Variants in EXO1 observed in about 807,000 individuals in gnomAD.
EXO1 encodes exonuclease 1.
In EXO1, 69 loss-of-function variants were observed where a neutral mutation model predicts 84.5. The observed-to-expected ratio is 0.82, with a 90% CI of 0.67 to 1.00. The LOEUF (loss-of-function observed/expected upper bound fraction) is 1.00, where lower values mean the gene tolerates loss of function less well. Among genes scored for constraint, EXO1 ranks in the 50% least tolerant of loss-of-function variants. EXO1 has a pLI of 0.00. For synonymous variants in EXO1, 373 were observed against 366.1 expected (o/e 1.02, Z -0.21); for missense variants, 1,045 against 1,000.7 (o/e 1.04, Z -0.60).
chr1:241,870,319 C>A (rs1662017711), intron 11 of EXO1, among the ~76,000 whole-genome samples: 1 of 152,212 alleles, frequency 6.6e-6, no homozygotes, highest in South Asian at 2.1e-4. Context: ...ATTCCTATTT[C>A]ATGTACCAGC....
chr1:241,868,811 A>G (rs1285043143), intron 11 of EXO1, among the ~76,000 whole-genome samples: 1 of 152,218 alleles, frequency 6.6e-6, no homozygotes, highest in African/African-American at 2.4e-5. Context: ...AGATCTTAAC[A>G]TATCTGTTGT....
intron 15 of EXO1, among the ~76,000 whole-genome samples, chr1:241,888,443 C>G (rs565922940): frequency 1.3e-5 from 2 of 152,134 alleles, no homozygotes; most frequent in Admixed American, 6.6e-5. Context: ...TCAGCAGTTT[C>G]ACTCTGTTCT....
At chr1:241,860,436 G>A (rs1260870944) in intron 8 of EXO1, 81 bp from the exon 9 acceptor site, 1 of 1,112,602 alleles carries the variant, frequency 9.0e-7, no homozygotes, top group Non-Finnish European at 1.4e-6. Context: ...CCCTCTTTAT[G>A]AATGTAAATC....
intron 12 of EXO1, among the ~76,000 whole-genome samples, chr1:241,874,346 T>C (rs545086409): frequency 1.3e-5 from 2 of 152,196 alleles, no homozygotes; most frequent in African/African-American, 4.8e-5. Context: ...CAGTGAACCA[T>C]CATGCCACTG....
At position 241,879,136 on chromosome 1, in the gene EXO1, A is replaced by G; in HGVS notation, c.1902A>G (p.Arg634=). ...PSPSTALQQF[R]RKSDSPTSLP... The stretch of plus-strand genomic sequence containing the variant: ...CAAGCACAGCATTGCAGCAGTTCCG[A>G]AGAAAGAGCGATTCCCCCACCTCTT... The change falls in exon 13 of 16, where the codon CGA becomes CGG. Residue 634 remains arginine, a synonymous_variant. Transcript: ENST00000366548. 6.2e-7 allele frequency: 1 copy of G among 1,610,168 alleles called. No homozygotes were observed. Among genetic ancestry groups the G allele is most frequent in the Non-Finnish European group, 8.5e-7 (1 of 1,176,492 alleles).
chr1:241,885,792 C>T (rs1372481472), intron 15 of EXO1, among the ~76,000 whole-genome samples: 2 of 151,418 alleles, frequency 1.3e-5, no homozygotes, highest in Non-Finnish European at 2.9e-5. Context: ...TCCTGCCTTC[C>T]TTTTCTTATC....
At chr1:241,871,928 TTAAAGTCCTTA>T in intron 11 of EXO1, 93 bp from the exon 12 acceptor site, 2 of 781,142 alleles carry the variant, frequency 2.6e-6, no homozygotes, top group Non-Finnish European at 4.1e-6. Flanking sequence ...TTTTTTTTTT[TTAAAGTCCTTA>T]TTTTTAGGAC....
intron 15 of EXO1, among the ~76,000 whole-genome samples, chr1:241,888,892 T>C (rs111463313): frequency 5.8e-4 from 89 of 152,204 alleles, no homozygotes; most frequent in African/African-American, 2.1e-3. Flanking sequence ...CTGGCCAGCA[T>C]GGTGAAACCC....
Position 241,889,482 on chromosome 1 carries a change from C to T in EXO1, c.2423C>T (p.Pro808Leu), listed in dbSNP as rs368166916. Residue 808 changes from proline to leucine, a missense_variant, in exon 16 of 16, where the codon CCT (proline) becomes CTT (leucine). By Grantham distance (98) the Pro-to-Leu change is moderately conservative. Transcript: ENST00000366548. ...FGFKKDSEKL[P>L]PCKKPLSPVR... ...TTTTGCAGAGATTCTGAAAAGCTTC[C>T]TCCTTGTAAGAAACCCCTGTCCCCA... 9 of 1,613,380 alleles carry T rather than the reference C, an allele frequency of 5.6e-6. No individual in the cohort carries two copies. The highest frequency in any genetic ancestry group is 3.3e-4 in the Middle Eastern group (2 of 6,082).
In EXO1 at chr1:241,879,193, G is replaced by C; in HGVS notation, c.1959G>C (p.Gln653His). ...LPENNMSDVSQLKSEESSDDE... is the reference protein window; with the variant it reads ...LPENNMSDVSHLKSEESSDDE... Reference sequence around the variant, plus strand: ...AGAATAATATGTCTGATGTGTCGCAGTTAAAGAGCGAGGAGTCCAGTGACG... The same window carrying C: ...AGAATAATATGTCTGATGTGTCGCACTTAAAGAGCGAGGAGTCCAGTGACG... Residue 653 changes from glutamine (Q) to histidine (H), a missense_variant, in exon 13 of 16, where the codon CAG becomes CAC. Transcript: ENST00000366548. 1 of 1,603,836 alleles carries C rather than the reference G, an allele frequency of 6.2e-7. No individual in the cohort carries two copies. The highest frequency in any genetic ancestry group is 8.5e-7 in the Non-Finnish European group (1 of 1,172,094).
chr1:241,850,688 C>T (rs1438300063), intron 4 of EXO1, 102 bp downstream of exon 4: 3 of 935,010 alleles, frequency 3.2e-6, no homozygotes, highest in East Asian at 4.8e-5. Flanking sequence ...AATGCCAGAA[C>T]TTATCAGGAA....
chr1:241,867,594 C>T (rs187759529), intron 11 of EXO1, among the ~76,000 whole-genome samples: 22 of 151,802 alleles, frequency 1.4e-4, no homozygotes, highest in African/African-American at 4.1e-4. Flanking sequence ...TTTTTTAATA[C>T]GATGTGATGT....
At chr1:241,849,843 C>T (rs1660554532) in intron 3 of EXO1, among the ~76,000 whole-genome samples, 1 of 152,128 alleles carries the variant, frequency 6.6e-6, no homozygotes, top group South Asian at 2.1e-4. Flanking sequence ...TGCAAAAGCA[C>T]TTTGGAAAGA....
At chr1:241,889,235 C>T (rs1001284038) in intron 15 of EXO1, among the ~76,000 whole-genome samples, 2 of 152,064 alleles carry the variant, frequency 1.3e-5, no homozygotes, top group African/African-American at 2.4e-5. Flanking sequence ...GGCCCAGCAC[C>T]TACACTGAAT....
At chr1:241,879,751 T>A (rs920435465) in intron 13 of EXO1, among the ~76,000 whole-genome samples, 14 of 152,142 alleles carry the variant, frequency 9.2e-5, no homozygotes. Flanking sequence ...ATGCCTGTAA[T>A]CCCAGCACTT....
intron 3 of EXO1, among the ~76,000 whole-genome samples, 162 bp from the exon 4 acceptor site, chr1:241,850,247 T>TA (rs1660583626): frequency 2.0e-5 from 3 of 148,340 alleles, no homozygotes; most frequent in Non-Finnish European, 4.4e-5. Flanking sequence ...GCCACTGCAG[T>TA]CCCTCCTGGG....
intron 15 of EXO1, among the ~76,000 whole-genome samples, chr1:241,889,124 G>A (rs1040932004): frequency 6.6e-6 from 1 of 152,020 alleles, no homozygotes; most frequent in African/African-American, 2.4e-5. Flanking sequence ...ATTTGTTCCT[G>A]CTTCACTTAT....
intron 3 of EXO1, 43 bp from the exon 4 acceptor site, chr1:241,850,363 ATTT>A: frequency 7.8e-7 from 1 of 1,274,098 alleles, no homozygotes. Context: ...TAATAAATGT[ATTT>A]TTCTTTAAAT....
intron 6 of EXO1, among the ~76,000 whole-genome samples, chr1:241,854,004 C>A (rs1321613930): frequency 6.6e-6 from 1 of 152,206 alleles, no homozygotes; most frequent in Non-Finnish European, 1.5e-5. Flanking sequence ...CTACAGACTT[C>A]TGTTCCCTTT....
Sources: gnomAD v4.1 joint callset for allele counts (sites outside exome capture counted in the v4.1 genomes callset) on GRCh38, gnomAD v4.1.1 for gene constraint, MANE v1.5 for transcripts, NCBI Gene and HGNC (gene_info 2026-07-23, HGNC 2026-07-21) for gene names.